The following ARHGAP26 variants were observed in gnomAD, a reference collection of about 807,000 sequenced individuals.
ARHGAP26 encodes the protein Rho GTPase activating protein 26, also known as rho GTPase-activating protein 26.
Under a neutral mutation model 104.8 loss-of-function variants are expected in ARHGAP26, and 38 were observed. That is an observed-to-expected ratio of 0.36 (90% CI 0.28 to 0.48). ARHGAP26 has a LOEUF of 0.48. Ranked by LOEUF, ARHGAP26 falls within the 20% of genes least tolerant of loss-of-function variation. The pLI, the probability that ARHGAP26 is intolerant of heterozygous loss-of-function variation, is 0.99. For missense variants in ARHGAP26, 704 were observed against 947.9 expected (o/e 0.74, Z 3.38); for synonymous variants, 341 against 340.0 (o/e 1.00, Z -0.03).
intron 1 of ARHGAP26, among the ~76,000 whole-genome samples, chr5:142,849,376 G>C (rs1751076214): frequency 6.6e-6 from 1 of 152,096 alleles, no homozygotes; most frequent in Admixed American, 6.5e-5. Flanking sequence ...ATTTGTATTT[G>C]GCTTTTCTTT....
chr5:142,949,123 A>G (rs1274084267), intron 11 of ARHGAP26, among the ~76,000 whole-genome samples: 1 of 146,000 alleles, frequency 6.8e-6, no homozygotes, highest in African/African-American at 2.5e-5. Context: ...AAAATTGAAG[A>G]AAGCACAGAA....
chr5:142,914,541 A>AT (rs1208998001), intron 10 of ARHGAP26, among the ~76,000 whole-genome samples: 1 of 152,196 alleles, frequency 6.6e-6, no homozygotes, highest in African/African-American at 2.4e-5. Flanking sequence ...GGCAGATAAT[A>AT]AGTGCTCAAC....
chr5:143,161,303 C>A (rs1599302043), intron 20 of ARHGAP26, among the ~76,000 whole-genome samples: 1 of 152,240 alleles, frequency 6.6e-6, no homozygotes, highest in East Asian at 1.9e-4. Context: ...TGAGCCACTG[C>A]ACCCGGCCTC....
chr5:142,814,994 G>A (rs35546646), intron 1 of ARHGAP26, among the ~76,000 whole-genome samples: 8,886 of 152,166 alleles, frequency 0.058, 301 homozygotes, highest in Middle Eastern at 0.12. Context: ...TATTACTTAC[G>A]GAATTACATG....
At chr5:142,850,552 A>G (rs1017652533) in intron 1 of ARHGAP26, among the ~76,000 whole-genome samples, 5 of 152,246 alleles carry the variant, frequency 3.3e-5, no homozygotes, top group Admixed American at 6.5e-5. Flanking sequence ...TTTCGAAGTT[A>G]TTAGCTATAT....
At chr5:143,079,400 T>A (rs1789492762) in intron 17 of ARHGAP26, among the ~76,000 whole-genome samples, 1 of 152,230 alleles carries the variant, frequency 6.6e-6, no homozygotes, top group African/African-American at 2.4e-5. Flanking sequence ...GCTACCAGGC[T>A]ACGATTCTTT....
At position 143,224,668 on chromosome 5, in the gene ARHGAP26, G is replaced by C. The variant is rs532603210; in HGVS notation, c.*2222G>C. On this transcript the variant is annotated 3_prime_UTR_variant, in exon 23 of 23. Transcript: ENST00000645722. ...AAGCTAGTTTTCAAATTTTGTGTGCGTCTGTAAGTTCTTAAAGAACCAGCT... is the reference window on the plus strand; with the variant it reads ...AAGCTAGTTTTCAAATTTTGTGTGCCTCTGTAAGTTCTTAAAGAACCAGCT... The C allele has an allele frequency of 4.4e-6, 1 of 229,748 alleles. No individual in the cohort carries two copies. The highest frequency in any genetic ancestry group is 8.6e-6 in the Non-Finnish European group (1 of 115,932). 14.2% of individuals were successfully genotyped at this position (229,748 alleles called of 1,614,324 possible).
At chr5:142,830,277 T>A (rs1314273770) in intron 1 of ARHGAP26, among the ~76,000 whole-genome samples, 1 of 152,228 alleles carries the variant, frequency 6.6e-6, no homozygotes, top group Non-Finnish European at 1.5e-5. Flanking sequence ...AGCTCATTAC[T>A]ATCAAGTATG....
chr5:143,069,686 T>C (rs1197076794), intron 17 of ARHGAP26, among the ~76,000 whole-genome samples: 1 of 152,014 alleles, frequency 6.6e-6, no homozygotes, highest in Non-Finnish European at 1.5e-5. Flanking sequence ...TTTATAGGAG[T>C]TGTGCTTGCT....
At chr5:142,986,012 G>A (rs534284306) in intron 11 of ARHGAP26, among the ~76,000 whole-genome samples, 5 of 152,198 alleles carry the variant, frequency 3.3e-5, no homozygotes, top group African/African-American at 1.2e-4. Context: ...AATTCCTTTG[G>A]TATATACCCA....
At chr5:142,783,611 C>A (rs1757954899) in intron 1 of ARHGAP26, among the ~76,000 whole-genome samples, 1 of 152,098 alleles carries the variant, frequency 6.6e-6, no homozygotes, top group South Asian at 2.1e-4. Context: ...TGCCTTAAAC[C>A]CAGAGAGAGC....
chr5:142,782,875 A>G (rs182666015), intron 1 of ARHGAP26, among the ~76,000 whole-genome samples: 151 of 152,278 alleles, frequency 9.9e-4, no homozygotes, highest in African/African-American at 3.3e-3. Context: ...GTGTCCTTGT[A>G]AGATAGTGGT....
chr5:143,130,662 A>G (rs193246385), intron 18 of ARHGAP26, among the ~76,000 whole-genome samples: 1 of 152,374 alleles, frequency 6.6e-6, no homozygotes, highest in Non-Finnish European at 1.5e-5. Context: ...CAAAGTTGTG[A>G]ATAATTCAGA....
chr5:143,103,145 T>C, intron 17 of ARHGAP26: 1 of 619,178 alleles, frequency 1.6e-6, no homozygotes, highest in Non-Finnish European at 2.0e-6. Flanking sequence ...CCTTGCCTGG[T>C]ATGTCGTCTT....
At chr5:142,869,310 G>A (rs1354511382) in intron 1 of ARHGAP26, among the ~76,000 whole-genome samples, 3 of 150,794 alleles carry the variant, frequency 2.0e-5, no homozygotes, top group East Asian at 1.9e-4. Flanking sequence ...GGGTTCACGC[G>A]ATTCTCCTGC....
rs936953297 is a variant in ARHGAP26, at chr5:143,192,229, G to A, written c.1989-14969G>A. Among the ~76,000 whole-genome samples the A allele has an allele frequency of 5.3e-5, 8 of 152,334 alleles. No homozygotes were observed. The South Asian group carries it at 1.2e-3, about 24-fold the overall frequency. Reference sequence around the variant, plus strand: ...TCACTGGAGAAAGATCAAACTCATCGTGATATCAAAGAAGCCTGAGGAAGG... The same window carrying A: ...TCACTGGAGAAAGATCAAACTCATCATGATATCAAAGAAGCCTGAGGAAGG... On this transcript the variant is annotated intron_variant, in intron 20 of 22. Transcript: ENST00000645722.
intron 12 of ARHGAP26, among the ~76,000 whole-genome samples, chr5:143,036,298 C>T (rs1195987256): frequency 2.0e-5 from 3 of 152,084 alleles, no homozygotes; most frequent in African/African-American, 7.2e-5. Flanking sequence ...ACCGGGTAAC[C>T]AAAACATGGG....
At chr5:142,934,249 T>G (rs1177907842) in intron 11 of ARHGAP26, among the ~76,000 whole-genome samples, 1 of 152,236 alleles carries the variant, frequency 6.6e-6, no homozygotes, top group Non-Finnish European at 1.5e-5. Flanking sequence ...AGTTTTCCTG[T>G]AGATTAACAT....
intron 10 of ARHGAP26, among the ~76,000 whole-genome samples, chr5:142,918,398 C>T (rs1475228078): frequency 1.3e-5 from 2 of 152,218 alleles, no homozygotes; most frequent in Admixed American, 6.5e-5. Flanking sequence ...CCGCCTGCCT[C>T]GGCCTCCCGA....
Sources: gnomAD v4.1 joint callset for allele counts (sites outside exome capture counted in the v4.1 genomes callset) on GRCh38, gnomAD v4.1.1 for gene constraint, MANE v1.5 for transcripts, NCBI Gene and HGNC (gene_info 2026-07-23, HGNC 2026-07-21) for gene names.